OR6N1: variants seen among roughly 807,000 people sequenced by gnomAD.
OR6N1 encodes the protein olfactory receptor family 6 subfamily N member 1.
For missense variants in OR6N1, 394 were observed against 371.7 expected, an observed-to-expected ratio of 1.06 and a Z score of -0.49; for synonymous variants, 170 against 150.7, an observed-to-expected ratio of 1.13 and a Z score of -0.94.
At chr1:158,826,911 C>T in the OR6N1 span, among the ~76,000 whole-genome samples, 1 of 152,144 alleles carries the variant, frequency 6.6e-6, no homozygotes, top group Non-Finnish European at 1.5e-5. Context: ...AGAAATGAGG[C>T]TAGAGAAATA....
chr1:158,777,705 T>C, the OR6N1 span: 2 of 928,478 alleles, frequency 2.2e-6, no homozygotes, highest in Non-Finnish European at 3.3e-6. Context: ...ATGCCAAAAC[T>C]TCATTTCTCT....
chr1:158,822,744 C>G, the OR6N1 span, among the ~76,000 whole-genome samples: 1 of 152,084 alleles, frequency 6.6e-6, no homozygotes. Context: ...TCTAGGACTA[C>G]GTCAAATAGG....
At chr1:158,810,168 A>T in the OR6N1 span, among the ~76,000 whole-genome samples, 2 of 152,138 alleles carry the variant, frequency 1.3e-5, no homozygotes, top group African/African-American at 4.8e-5. Context: ...GAAAATGGTT[A>T]TGGGTTTTGA....
intron 1 of OR6N1, among the ~76,000 whole-genome samples, chr1:158,769,676 GA>G (rs1238399466): frequency 2.6e-5 from 4 of 151,994 alleles, no homozygotes; most frequent in Admixed American, 2.6e-4. Context: ...TGTTTACTCT[GA>G]TTTTTCTTGG....
At chr1:158,772,431 C>T (rs1208055657), upstream of OR6N1, among the ~76,000 whole-genome samples, 1 of 152,168 alleles carries the variant, frequency 6.6e-6, no homozygotes, top group Non-Finnish European at 1.5e-5. Context: ...GAACATGTCT[C>T]AAGGCAATTA....
chr1:158,805,215 T>C, the OR6N1 span, among the ~76,000 whole-genome samples: 2 of 152,210 alleles, frequency 1.3e-5, no homozygotes, highest in Admixed American at 6.5e-5. Context: ...TATGACAGAA[T>C]GTCAGCCTTG....
chr1:158,769,692 T>C (rs1277899487), intron 1 of OR6N1, among the ~76,000 whole-genome samples: 1 of 152,194 alleles, frequency 6.6e-6, no homozygotes, highest in Admixed American at 6.5e-5. Flanking sequence ...TCTTGGCATT[T>C]TTCTAAACCT....
chr1:158,769,090 T>C (rs750421059), intron 1 of OR6N1, among the ~76,000 whole-genome samples: 1 of 152,214 alleles, frequency 6.6e-6, no homozygotes, highest in Non-Finnish European at 1.5e-5. Context: ...CTAATTTGCA[T>C]ATGCAGTAGG....
the OR6N1 span, among the ~76,000 whole-genome samples, chr1:158,824,091 G>A: frequency 1.1e-4 from 17 of 151,854 alleles, no homozygotes; most frequent in Non-Finnish European, 1.6e-4. Flanking sequence ...TATGTGATAT[G>A]GTTTGGCTGT....
chr1:158,798,636 C>G, the OR6N1 span, among the ~76,000 whole-genome samples: 1 of 151,776 alleles, frequency 6.6e-6, no homozygotes, highest in Non-Finnish European at 1.5e-5. Context: ...GTTTTATGGC[C>G]AAGCATTTGT....
chr1:158,830,918 A>G, the OR6N1 span, among the ~76,000 whole-genome samples: 6 of 152,170 alleles, frequency 3.9e-5, no homozygotes, highest in Admixed American at 3.9e-4. Context: ...TTAAACAAAA[A>G]CAATTTCACA....
the OR6N1 span, among the ~76,000 whole-genome samples, chr1:158,829,748 T>G: frequency 6.6e-6 from 1 of 152,182 alleles, no homozygotes; most frequent in African/African-American, 2.4e-5. Flanking sequence ...TCTGTTTTCA[T>G]GCTGTTGATA....
At chr1:158,801,851 T>C in the OR6N1 span, among the ~76,000 whole-genome samples, 1 of 152,180 alleles carries the variant, frequency 6.6e-6, no homozygotes, top group Non-Finnish European at 1.5e-5. Flanking sequence ...TTAGATACTC[T>C]AATCTTTTCT....
At chr1:158,781,302 G>GCTAA in the OR6N1 span, 1 of 152,486 alleles carries the variant, frequency 6.6e-6, no homozygotes, top group African/African-American at 2.4e-5. Context: ...AGTCCCCAGA[G>GCTAA]CTAACACTGT....
the OR6N1 span, among the ~76,000 whole-genome samples, chr1:158,828,506 A>G: frequency 2.0e-5 from 3 of 152,230 alleles, no homozygotes; most frequent in Non-Finnish European, 4.4e-5. Context: ...TCTCTCTCAC[A>G]TCCAGGTCAT....
chr1:158,831,830 G>C, the OR6N1 span, among the ~76,000 whole-genome samples: 3 of 152,256 alleles, frequency 2.0e-5, no homozygotes, highest in South Asian at 2.1e-4. Flanking sequence ...ATTTAGAGGA[G>C]ATACTTGGTT....
chr1:158,783,087 A>G, the OR6N1 span, among the ~76,000 whole-genome samples: 1 of 152,210 alleles, frequency 6.6e-6, no homozygotes, highest in East Asian at 1.9e-4. Flanking sequence ...GTAACTCTGC[A>G]TTGTTCAAAA....
the OR6N1 span, among the ~76,000 whole-genome samples, chr1:158,804,922 G>A: frequency 1.3e-5 from 2 of 151,976 alleles, no homozygotes; most frequent in Non-Finnish European, 2.9e-5. Flanking sequence ...ATATAGAGTG[G>A]GAGGAGACAG....
the OR6N1 span, among the ~76,000 whole-genome samples, chr1:158,831,810 A>G: frequency 6.6e-6 from 1 of 152,194 alleles, no homozygotes; most frequent in African/African-American, 2.4e-5. Flanking sequence ...GTCTTTTGGC[A>G]TAAATTGATA....
Sources: allele counts gnomAD v4.1 joint callset (sites outside exome capture counted in the v4.1 genomes callset), GRCh38; gene constraint gnomAD v4.1.1; transcripts MANE v1.5; gene names NCBI Gene and HGNC (gene_info 2026-07-23, HGNC 2026-07-21).